GPC6: variants seen among roughly 807,000 people sequenced by gnomAD.
GPC6 encodes the protein glypican-6.
GPC6 carries 14 observed loss-of-function variants against 55.2 expected under a neutral mutation model. The observed-to-expected ratio is 0.25, with a 90% CI of 0.17 to 0.40. The LOEUF is 0.40. Among genes scored for constraint, GPC6 ranks in the 10% least tolerant of loss-of-function variants. The pLI is 1.00. For missense variants in GPC6, 641 were observed against 708.5 expected (o/e 0.90, Z 1.08); for synonymous variants, 278 against 259.6 (o/e 1.07, Z -0.68).
At chr13:93,363,117 G>GTC (rs1881103286) in intron 1 of GPC6, among the ~76,000 whole-genome samples, 1 of 126,012 alleles carries the variant, frequency 7.9e-6, no homozygotes, top group African/African-American at 3.1e-5. Flanking sequence ...CTTTTTTTTT[G>GTC]TTTTTTTTTT....
chr13:94,396,210 C>G (rs1003217378), intron 7 of GPC6, among the ~76,000 whole-genome samples: 3 of 152,186 alleles, frequency 2.0e-5, no homozygotes, highest in Non-Finnish European at 4.4e-5. Context: ...TTATAAATAG[C>G]GTCTTCTTTA....
At chr13:93,263,770 ATAGT>A (rs1388037355) in intron 1 of GPC6, among the ~76,000 whole-genome samples, 2 of 152,210 alleles carry the variant, frequency 1.3e-5, no homozygotes, top group Non-Finnish European at 2.9e-5. Flanking sequence ...AAACCACACT[ATAGT>A]TAATGTCCTT....
rs180687513 is a variant in GPC6, at chr13:93,896,373, G to A, written c.711+65828G>A. On this transcript the variant is annotated intron_variant, in intron 3 of 8. Coordinates refer to ENST00000377047, the MANE Select transcript of GPC6 (RefSeq NM_005708.5). ...TAGAAATAATCCCCATATAAGTAGAGTTTTAAGTAAAACATAAGACACCAC... is the reference window on the plus strand; with the variant it reads ...TAGAAATAATCCCCATATAAGTAGAATTTTAAGTAAAACATAAGACACCAC... Among the ~76,000 whole-genome samples, 305 of 152,060 alleles carry A rather than the reference G, an allele frequency of 2.0e-3. 1 individual carries two copies. Among genetic ancestry groups the A allele is most frequent in the Middle Eastern group, 3.4e-3 (1 of 294 alleles).
intron 2 of GPC6, among the ~76,000 whole-genome samples, chr13:93,728,894 G>T (rs1289671676): frequency 6.6e-6 from 1 of 152,104 alleles, no homozygotes; most frequent in Non-Finnish European, 1.5e-5. Flanking sequence ...TTTATTGTAT[G>T]TTGAGGCATG....
At chr13:93,402,227 A>G (rs1229011012) in intron 1 of GPC6, among the ~76,000 whole-genome samples, 1 of 152,166 alleles carries the variant, frequency 6.6e-6, no homozygotes, top group East Asian at 1.9e-4. Flanking sequence ...CTCCTGAACC[A>G]TTACTGCTTT....
At chr13:93,340,601 TG>T (rs1350601722) in intron 1 of GPC6, among the ~76,000 whole-genome samples, 1 of 152,026 alleles carries the variant, frequency 6.6e-6, no homozygotes, top group African/African-American at 2.4e-5. Flanking sequence ...TTTCAGCTGA[TG>T]GAAGGAAGCA....
chr13:94,188,217 G>A (rs1035758928), intron 4 of GPC6, among the ~76,000 whole-genome samples: 3 of 152,106 alleles, frequency 2.0e-5, no homozygotes, highest in East Asian at 3.9e-4. Flanking sequence ...CTTTAATGAC[G>A]CTGAGCCCAA....
chr13:93,878,229 A>G (rs1046169689), intron 3 of GPC6, among the ~76,000 whole-genome samples: 2 of 152,030 alleles, frequency 1.3e-5, no homozygotes, highest in African/African-American at 4.8e-5. Flanking sequence ...CCCAAGTACA[A>G]TAGTACTAAA....
At chr13:93,362,293 T>A (rs1027430074) in intron 1 of GPC6, among the ~76,000 whole-genome samples, 1 of 152,182 alleles carries the variant, frequency 6.6e-6, no homozygotes, top group Non-Finnish European at 1.5e-5. Context: ...CTCTCCAGCA[T>A]GTTTTGGTTC....
rs185817098 is a variant in GPC6 at position 94,068,259 on chromosome 13, G to T, written c.877+40365G>T. Among the ~76,000 whole-genome samples the T allele has an allele frequency of 3.3e-3, 496 of 151,940 alleles. 1 individual carries two copies. The highest frequency in any genetic ancestry group is 4.7e-3 in the Non-Finnish European group (321 of 67,912). On this transcript the variant is annotated intron_variant, in intron 4 of 8. Transcript: ENST00000377047. ...AGAGAGTTTGTGTAGGGAAACTCCA[G>T]TTTTTAAAACCATCAGATCTTGTGA...
chr13:93,480,737 A>G (rs900903609), intron 1 of GPC6, among the ~76,000 whole-genome samples: 2 of 152,022 alleles, frequency 1.3e-5, no homozygotes, highest in Non-Finnish European at 2.9e-5. Context: ...TTAGTGTAGT[A>G]TGTTCAAGGG....
At chr13:94,025,512 C>G (rs1187677375) in intron 3 of GPC6, 2 of 151,436 alleles carry the variant, frequency 1.3e-5, no homozygotes, top group African/African-American at 4.9e-5. Flanking sequence ...GGCACTATCT[C>G]CCATCCAAGT....
At chr13:93,247,814 G>A (rs898845752) in intron 1 of GPC6, among the ~76,000 whole-genome samples, 5 of 152,046 alleles carry the variant, frequency 3.3e-5, no homozygotes, top group Non-Finnish European at 5.9e-5. Context: ...GAATCACTAA[G>A]AGATCTTCAT....
chr13:93,327,090 C>G (rs3814277), intron 1 of GPC6, among the ~76,000 whole-genome samples: 18,602 of 152,096 alleles, frequency 0.12, 1,472 homozygotes, highest in East Asian at 0.36. Context: ...TGCTAAGTTG[C>G]AGAGAACAGG....
intron 1 of GPC6, among the ~76,000 whole-genome samples, chr13:93,388,313 C>G (rs75502066): frequency 0.012 from 1,869 of 152,274 alleles, 48 homozygotes; most frequent in African/African-American, 0.042. Context: ...TATTGCGTTC[C>G]TGAGACCTGA....
intron 1 of GPC6, among the ~76,000 whole-genome samples, chr13:93,444,369 G>C (rs1394287114): frequency 1.3e-5 from 2 of 152,086 alleles, no homozygotes; most frequent in African/African-American, 4.8e-5. Context: ...AGCACTTTGG[G>C]AGGCCGAGGT....
chr13:93,863,647 A>G (rs952828239), intron 3 of GPC6, among the ~76,000 whole-genome samples: 6 of 151,528 alleles, frequency 4.0e-5, no homozygotes, highest in African/African-American at 7.3e-5. Context: ...TAAATATACA[A>G]CTCCAGTTCA....
intron 6 of GPC6, among the ~76,000 whole-genome samples, chr13:94,310,810 C>T (rs1354465977): frequency 6.6e-6 from 1 of 152,104 alleles, no homozygotes; most frequent in Admixed American, 6.6e-5. Flanking sequence ...ACCAGCTCAT[C>T]GAATGGCTGA....
chr13:93,426,392 C>G (rs1877127872), intron 1 of GPC6, among the ~76,000 whole-genome samples: 2 of 133,288 alleles, frequency 1.5e-5, no homozygotes. Context: ...CCCCCTCCCC[C>G]CACCCCACAA....
Sources: allele counts gnomAD v4.1 joint callset (sites outside exome capture counted in the v4.1 genomes callset), GRCh38; gene constraint gnomAD v4.1.1; transcripts MANE v1.5; gene names NCBI Gene and HGNC (gene_info 2026-07-23, HGNC 2026-07-21).